ARHGAP22: variants seen among roughly 807,000 people sequenced by gnomAD.
ARHGAP22 encodes the protein Rho GTPase activating protein 22, also known as rho GTPase-activating protein 22.
A neutral mutation model predicts 59.1 loss-of-function variants in ARHGAP22; 48 were observed. The observed-to-expected ratio is 0.81, with a 90% CI of 0.64 to 1.03. The LOEUF is 1.03. Among genes scored for constraint, ARHGAP22 ranks in the 50% least tolerant of loss-of-function variants. The pLI, the probability that ARHGAP22 is intolerant of heterozygous loss-of-function variation, is 0.00. For synonymous variants in ARHGAP22, 445 were observed against 416.4 expected (o/e 1.07, Z -0.84); for missense variants, 1,015 against 958.7 (o/e 1.06, Z -0.78).
intron 3 of ARHGAP22, among the ~76,000 whole-genome samples, chr10:48,491,682 G>A (rs570516873): frequency 3.7e-4 from 56 of 152,382 alleles, no homozygotes; most frequent in Middle Eastern, 3.4e-3. Flanking sequence ...ACTGGCACAC[G>A]TGAAACCCTC....
intron 1 of ARHGAP22, among the ~76,000 whole-genome samples, chr10:48,644,587 A>G (rs1241958839): frequency 1.3e-5 from 2 of 152,248 alleles, no homozygotes; most frequent in Non-Finnish European, 2.9e-5. Context: ...TACATTATCT[A>G]TCTTGGAATT....
upstream of ARHGAP22, chr10:48,656,091 T>A (rs1281068537): frequency 6.6e-6 from 1 of 152,466 alleles, no homozygotes; most frequent in Non-Finnish European, 1.5e-5. Context: ...GGCTCCTTCC[T>A]CGCCGCCCGG....
intron 1 of ARHGAP22, among the ~76,000 whole-genome samples, chr10:48,650,407 T>C (rs1354258560): frequency 1.3e-5 from 2 of 152,104 alleles, no homozygotes; most frequent in African/African-American, 4.8e-5. Context: ...AGAACACAGA[T>C]TGATGTTTGC....
intron 4 of ARHGAP22, among the ~76,000 whole-genome samples, chr10:48,467,532 C>T (rs1015524510): frequency 1.3e-5 from 2 of 151,404 alleles, no homozygotes; most frequent in African/African-American, 4.9e-5. Flanking sequence ...ATTGGAGTAA[C>T]ACTTGTTAGA....
At chr10:48,566,416 T>A (rs2058050885) in intron 2 of ARHGAP22, among the ~76,000 whole-genome samples, 1 of 152,176 alleles carries the variant, frequency 6.6e-6, no homozygotes, top group African/African-American at 2.4e-5. Flanking sequence ...CACAAGCCTG[T>A]AACCATGCCC....
intron 3 of ARHGAP22, among the ~76,000 whole-genome samples, chr10:48,535,646 A>G (rs1291839062): frequency 1.3e-5 from 2 of 152,168 alleles, no homozygotes; most frequent in Non-Finnish European, 2.9e-5. Context: ...ACCGGTCCAG[A>G]GGGGTGAGGT....
chr10:48,577,138 G>A (rs2058768572), intron 2 of ARHGAP22, among the ~76,000 whole-genome samples: 3 of 151,988 alleles, frequency 2.0e-5, no homozygotes. Context: ...GAAGTGTCAA[G>A]TTTTCATCCA....
At chr10:48,514,127 A>C (rs532405402) in intron 3 of ARHGAP22, among the ~76,000 whole-genome samples, 33 of 152,256 alleles carry the variant, frequency 2.2e-4, no homozygotes, top group African/African-American at 7.9e-4. Flanking sequence ...GAAACTAAAA[A>C]ATAATGAAGA....
intron 1 of ARHGAP22, among the ~76,000 whole-genome samples, chr10:48,635,933 A>G (rs1186499885): frequency 6.6e-6 from 1 of 152,234 alleles, no homozygotes; most frequent in Non-Finnish European, 1.5e-5. Context: ...CAAGCTGGCT[A>G]CAGGAATTAA....
chr10:48,576,014 C>A (rs573051082), intron 2 of ARHGAP22, among the ~76,000 whole-genome samples: 1 of 152,218 alleles, frequency 6.6e-6, no homozygotes, highest in Non-Finnish European at 1.5e-5. Flanking sequence ...CCTTCACTGA[C>A]CCCTATCGCA....
At chr10:48,501,147 A>G (rs957796588) in intron 3 of ARHGAP22, among the ~76,000 whole-genome samples, 4 of 152,228 alleles carry the variant, frequency 2.6e-5, no homozygotes, top group African/African-American at 7.2e-5. Flanking sequence ...GGTATTAAAA[A>G]ATGAGGGTGT....
intron 4 of ARHGAP22, 177 bp downstream of exon 4, chr10:48,479,459 C>T: frequency 8.8e-7 from 1 of 1,134,102 alleles, no homozygotes; most frequent in Non-Finnish European, 1.2e-6. Flanking sequence ...GAGTACACGG[C>T]AGCCGTTGGG....
intron 1 of ARHGAP22, among the ~76,000 whole-genome samples, chr10:48,627,092 G>A (rs111962680): frequency 2.0e-5 from 3 of 152,266 alleles, no homozygotes; most frequent in South Asian, 2.1e-4. Flanking sequence ...TTCTGGGAGC[G>A]GGTTGTGCAT....
At chr10:48,549,616 C>T (rs888588845) in intron 3 of ARHGAP22, among the ~76,000 whole-genome samples, 17 of 152,128 alleles carry the variant, frequency 1.1e-4, no homozygotes, top group African/African-American at 4.1e-4. Flanking sequence ...GGCAAGTGGC[C>T]TAGGGATTAA....
upstream of ARHGAP22, among the ~76,000 whole-genome samples, chr10:48,606,147 C>T (rs2060663221): frequency 6.6e-6 from 1 of 152,154 alleles, no homozygotes; most frequent in Non-Finnish European, 1.5e-5. Context: ...ACAATGCCCT[C>T]CCCTGCTCAG....
intron 5 of ARHGAP22, among the ~76,000 whole-genome samples, chr10:48,459,225 G>A (rs1158609333): frequency 6.6e-6 from 1 of 152,188 alleles, no homozygotes; most frequent in Non-Finnish European, 1.5e-5. Context: ...AGCAGATGGA[G>A]GAGACTCGCT....
At chr10:48,592,887 T>G (rs998989140) in intron 1 of ARHGAP22, among the ~76,000 whole-genome samples, 1 of 152,236 alleles carries the variant, frequency 6.6e-6, no homozygotes, top group Non-Finnish European at 1.5e-5. Context: ...CAAGAGTTCT[T>G]AAATGTGGGA....
intron 1 of ARHGAP22, among the ~76,000 whole-genome samples, chr10:48,650,103 C>G (rs188139077): frequency 6.9e-6 from 1 of 145,924 alleles, no homozygotes; most frequent in African/African-American, 2.5e-5. Flanking sequence ...ACCGAGAGAC[C>G]AAGGATGGGG....
upstream of ARHGAP22, among the ~76,000 whole-genome samples, chr10:48,606,222 G>C (rs2060666344): frequency 1.3e-5 from 2 of 152,150 alleles, no homozygotes; most frequent in Admixed American, 1.3e-4. Flanking sequence ...AGATCCCCAA[G>C]TGTCCTATTG....
Sources: allele counts gnomAD v4.1 joint callset (sites outside exome capture counted in the v4.1 genomes callset), GRCh38; gene constraint gnomAD v4.1.1; transcripts MANE v1.5; gene names NCBI Gene and HGNC (gene_info 2026-07-23, HGNC 2026-07-21).